The following AGAP1 variants were observed in gnomAD, a reference collection of about 807,000 sequenced individuals.
The protein encoded by AGAP1 is arf-GAP with GTPase, ANK repeat and PH domain-containing protein 1.
Under a neutral mutation model 105.3 loss-of-function variants are expected in AGAP1, and 29 were observed. That is an observed-to-expected ratio of 0.28 (90% CI 0.21 to 0.38). AGAP1 has a LOEUF of 0.38. AGAP1 is among the 10% of genes least tolerant of loss of function. AGAP1 has a pLI of 1.00. For missense variants in AGAP1, 998 were observed against 1,165.1 expected (o/e 0.86, Z 2.09); for synonymous variants, 509 against 485.9 (o/e 1.05, Z -0.63).
intron 13 of AGAP1, among the ~76,000 whole-genome samples, chr2:236,024,620 G>T (rs902405036): frequency 6.6e-6 from 1 of 152,090 alleles, no homozygotes; most frequent in Admixed American, 6.6e-5. Flanking sequence ...AAAAATAATT[G>T]ATGACGGATT....
At chr2:235,673,894 C>G (rs1052473974) in intron 1 of AGAP1, among the ~76,000 whole-genome samples, 3 of 152,204 alleles carry the variant, frequency 2.0e-5, no homozygotes, top group Non-Finnish European at 2.9e-5. Flanking sequence ...AATCTAAAGA[C>G]TAAGTAATTA....
At chr2:236,033,309 G>T (rs555224634) in intron 13 of AGAP1, among the ~76,000 whole-genome samples, 1 of 152,306 alleles carries the variant, frequency 6.6e-6, no homozygotes, top group Admixed American at 6.5e-5. Context: ...AGCACATTTA[G>T]AAATTAGCTC....
chr2:235,565,111 C>CCAT (rs937953913), intron 1 of AGAP1, among the ~76,000 whole-genome samples: 1 of 149,986 alleles, frequency 6.7e-6, no homozygotes, highest in Admixed American at 6.6e-5. Flanking sequence ...GAACCACCAC[C>CCAT]CATGGCCAGG....
chr2:235,653,368 G>A (rs986009699), intron 1 of AGAP1, among the ~76,000 whole-genome samples: 1 of 152,046 alleles, frequency 6.6e-6, no homozygotes, highest in East Asian at 1.9e-4. Flanking sequence ...GGAGGCTGAG[G>A]CAGGAGAATG....
At chr2:236,107,868 C>T (rs1199584876) in intron 16 of AGAP1, among the ~76,000 whole-genome samples, 1 of 152,200 alleles carries the variant, frequency 6.6e-6, no homozygotes, top group Non-Finnish European at 1.5e-5. Context: ...AAGTAATAAG[C>T]CTAATATGGT....
chr2:235,677,550 G>T (rs964022184), intron 1 of AGAP1, among the ~76,000 whole-genome samples: 1 of 152,156 alleles, frequency 6.6e-6, no homozygotes, highest in African/African-American at 2.4e-5. Flanking sequence ...GATTTCACGT[G>T]ACGTTGTGTG....
chr2:235,993,518 G>C lies in AGAP1; in HGVS notation c.1645+24895G>C, dbSNP rs1021667849. ...ATAGGGAGGTAGTAATTGGATTTGC[G>C]ATGTATTTCTTTTCTGCAAGTATGG... is the stretch of plus-strand genomic sequence containing the variant. On this transcript the variant is annotated intron_variant, in intron 13 of 17. Transcript: ENST00000304032. The surrounding 1 kb of genome is among the most constrained non-coding windows in gnomAD (Gnocchi z 5.0). 2.6e-5 allele frequency among the ~76,000 whole-genome samples: 4 copies of C among 152,168 alleles called. No homozygotes were observed. The highest frequency in any genetic ancestry group is 5.9e-5 in the Non-Finnish European group (4 of 68,036).
At chr2:235,738,969 C>G (rs111534591) in intron 3 of AGAP1, among the ~76,000 whole-genome samples, 3 of 152,184 alleles carry the variant, frequency 2.0e-5, no homozygotes, top group Admixed American at 1.3e-4. Flanking sequence ...ATACTACTAT[C>G]ACTGTTGCAG....
rs1947910718 is a variant in AGAP1 at position 235,660,452 on chromosome 2, C to G, written c.164-48727C>G. Among the ~76,000 whole-genome samples the G allele has an allele frequency of 6.6e-6, 1 of 152,078 alleles. No homozygotes were observed. Among genetic ancestry groups the G allele is most frequent in the Non-Finnish European group, 1.5e-5 (1 of 68,028 alleles). On this transcript the variant is annotated intron_variant, in intron 1 of 17. Transcript: ENST00000304032. The surrounding 1 kb of genome is among the most constrained non-coding windows in gnomAD (Gnocchi z 5.3). ...AGGGCTTGAGGGTGAGAGAAGTTGT[C>G]CTTAACTGAAGGAGGGGGTTCTATA...
chr2:235,501,924 G>A (rs1941578840), intron 1 of AGAP1, among the ~76,000 whole-genome samples: 1 of 152,124 alleles, frequency 6.6e-6, no homozygotes, highest in Non-Finnish European at 1.5e-5. Flanking sequence ...CCTTTGTTAA[G>A]TACCTTTCTC....
Position 235,545,261 on chromosome 2 carries a change from G to C in AGAP1, c.163+50412G>C, listed in dbSNP as rs139057861. On this transcript the variant is annotated intron_variant, in intron 1 of 17. Transcript: ENST00000304032. ...CTTCTCATGTTGAAAATAGCGTTAA[G>C]TGTTCAAGAGTGTGATCGGTGAAAC... Among the ~76,000 whole-genome samples the C allele has an allele frequency of 1.4e-3, 219 of 152,304 alleles. 1 individual carries two copies. Among genetic ancestry groups the C allele is most frequent in the African/African-American group, 4.9e-3 (204 of 41,574 alleles).
At chr2:235,968,706 C>A in intron 13 of AGAP1, 83 bp downstream of exon 13, 2 of 1,413,370 alleles carry the variant, frequency 1.4e-6, no homozygotes, top group Non-Finnish European at 9.7e-7. Context: ...AATTAGACAC[C>A]CTTAGCACAA....
rs2054221967 is a variant in AGAP1 at position 235,962,239 on chromosome 2, G to A, written c.1484-6223G>A. 6.6e-6 allele frequency among the ~76,000 whole-genome samples: 1 copy of A among 152,036 alleles called. No homozygotes were observed. On this transcript the variant is annotated intron_variant, in intron 12 of 17. Coordinates refer to ENST00000304032, the MANE Select transcript of AGAP1 (RefSeq NM_001037131.3). This position sits in a 1 kb window ranked among gnomAD's most constrained non-coding sequence, Gnocchi z 5.3. ...GAAGGGCAGGCCAGAGGCCACTGAG[G>A]GGTACACTGACCACACAGAGGAGGC...
At chr2:235,676,815 A>G (rs1000850598) in intron 1 of AGAP1, among the ~76,000 whole-genome samples, 2 of 152,242 alleles carry the variant, frequency 1.3e-5, no homozygotes, top group African/African-American at 4.8e-5. Flanking sequence ...GAGTGAAATA[A>G]TGAAAAAAAG....
chr2:235,636,503 G>A (rs959738160), intron 1 of AGAP1, among the ~76,000 whole-genome samples: 3 of 152,144 alleles, frequency 2.0e-5, no homozygotes, highest in Non-Finnish European at 2.9e-5. Context: ...TGTCAGGGAC[G>A]GCAGAGAACT....
chr2:235,980,941 C>T (rs2055066179), intron 13 of AGAP1, among the ~76,000 whole-genome samples: 1 of 152,248 alleles, frequency 6.6e-6, no homozygotes. Context: ...ACCAATGTTA[C>T]TATGTAGAAG....
intron 12 of AGAP1, among the ~76,000 whole-genome samples, chr2:235,968,039 A>G (rs2054480979): frequency 6.6e-6 from 1 of 152,246 alleles, no homozygotes. Flanking sequence ...GTGCACCCAC[A>G]GGAGTCAAAC....
chr2:235,572,521 C>T (rs559081554), intron 1 of AGAP1, among the ~76,000 whole-genome samples: 7 of 152,152 alleles, frequency 4.6e-5, no homozygotes, highest in Admixed American at 6.5e-5. Flanking sequence ...TTGCACCATA[C>T]CCCACAGGTC....
intron 6 of AGAP1, among the ~76,000 whole-genome samples, chr2:235,778,479 G>C (rs1311849581): frequency 6.6e-6 from 1 of 152,140 alleles, no homozygotes; most frequent in African/African-American, 2.4e-5. Context: ...CATGCTTCCT[G>C]CTCCGTGCTC....
Sources: allele counts gnomAD v4.1 joint callset (sites outside exome capture counted in the v4.1 genomes callset), GRCh38; gene constraint gnomAD v4.1.1; non-coding constraint Gnocchi (gnomAD v3.1); transcripts MANE v1.5; gene names NCBI Gene and HGNC (gene_info 2026-07-23, HGNC 2026-07-21).